The following CNTNAP4 variants were observed in gnomAD, a reference collection of about 807,000 sequenced individuals.
CNTNAP4 encodes contactin-associated protein-like 4.
A neutral mutation model predicts 148.4 loss-of-function variants in CNTNAP4; 98 were observed. The observed-to-expected ratio is 0.66, with a 90% confidence interval of 0.56 to 0.78. The LOEUF (loss-of-function observed/expected upper bound fraction) is 0.78, where lower values mean the gene tolerates loss of function less well. CNTNAP4 is among the 30% of genes least tolerant of loss of function. The pLI is 0.00. For missense variants in CNTNAP4, 1,935 were observed against 1,565.6 expected (o/e 1.24, Z -3.98); for synonymous variants, 730 against 565.1 (o/e 1.29, Z -4.14).
intron 10 of CNTNAP4, among the ~76,000 whole-genome samples, chr16:76,468,734 C>T (rs932301843): frequency 6.6e-6 from 1 of 152,046 alleles, no homozygotes; most frequent in African/African-American, 2.4e-5. Flanking sequence ...GCTGGAATTA[C>T]AGGCATGAGT....
intron 1 of CNTNAP4, among the ~76,000 whole-genome samples, chr16:76,308,518 G>A (rs947961890): frequency 1.3e-5 from 2 of 152,162 alleles, no homozygotes; most frequent in African/African-American, 2.4e-5. Flanking sequence ...AGAGAGGGGT[G>A]GGGTGTCACA....
intron 3 of CNTNAP4, among the ~76,000 whole-genome samples, chr16:76,390,852 G>GT (rs1017361814): frequency 6.6e-5 from 10 of 151,448 alleles, no homozygotes; most frequent in East Asian, 5.8e-4. Context: ...CTCATTAACT[G>GT]TTTTTTTTCT....
intron 4 of CNTNAP4, among the ~76,000 whole-genome samples, chr16:76,433,826 C>G (rs914807066): frequency 6.6e-6 from 1 of 152,176 alleles, no homozygotes; most frequent in East Asian, 1.9e-4. Context: ...AGTTCTTACA[C>G]TCAGATTATC....
Position 76,498,554 on chromosome 16 carries a change from T to C in CNTNAP4, c.2238-13T>C, listed in dbSNP as rs1568410782. ...AAGTTCTTAAGAATTTTGTTGTTGC[T>C]ATTGTTTTTTAGGACCAATGACACT... On this transcript the variant is annotated splice_polypyrimidine_tract_variant and intron_variant, in intron 14 of 23. Coordinates refer to ENST00000611870, the MANE Select transcript of CNTNAP4 (RefSeq NM_033401.5). 1.2e-6 allele frequency: 2 copies of C among 1,600,582 alleles called. No individual in the cohort carries two copies. Among genetic ancestry groups the C allele is most frequent in the Admixed American group, 1.7e-5 (1 of 57,150 alleles).
intron 4 of CNTNAP4, among the ~76,000 whole-genome samples, chr16:76,441,443 C>A (rs2135623): frequency 0.64 from 96,600 of 151,512 alleles, 32,153 homozygotes; most frequent in African/African-American, 0.84. Flanking sequence ...TACCTACGGG[C>A]ACAGGGAGAA....
At chr16:76,502,969 G>A (rs117966296) in intron 15 of CNTNAP4, among the ~76,000 whole-genome samples, 14 of 152,184 alleles carry the variant, frequency 9.2e-5, no homozygotes, top group Non-Finnish European at 1.3e-4. Flanking sequence ...TACTAGTACC[G>A]GTTATGAGGT....
At chr16:76,357,078 CA>C (rs2012771537) in intron 3 of CNTNAP4, among the ~76,000 whole-genome samples, 1 of 147,584 alleles carries the variant, frequency 6.8e-6, no homozygotes, top group African/African-American at 2.7e-5. Context: ...CACACACACA[CA>C]CACCCCAAAC....
chr16:76,343,589 G>A (rs1485627192), intron 2 of CNTNAP4, among the ~76,000 whole-genome samples: 2 of 152,108 alleles, frequency 1.3e-5, no homozygotes, highest in East Asian at 3.9e-4. Flanking sequence ...ATAATTACAC[G>A]TTTATAACCA....
Position 76,558,616 on chromosome 16 carries a change from C to A in CNTNAP4, c.3860C>A (p.Ala1287Asp), listed in dbSNP as rs763929190. The change falls in exon 24 of 24, where the codon GCT becomes GAT. Residue 1287 changes from alanine to aspartate, a missense_variant. Transcript: ENST00000611870. ...KRSENVDSAE[A>D]VLKSELNIQN... ...TCAGAGAATGTAGACAGTGCTGAGG[C>A]TGTTCTGAAAAGTGAGCTTAATATA... 1 of 1,613,212 alleles carries A rather than the reference C, an allele frequency of 6.2e-7. No homozygotes were observed.
chr16:76,336,328 C>T (rs1964021027), intron 2 of CNTNAP4, among the ~76,000 whole-genome samples: 1 of 152,142 alleles, frequency 6.6e-6, no homozygotes, highest in African/African-American at 2.4e-5. Flanking sequence ...CTTGTGGGAG[C>T]CTACTGTGAA....
chr16:76,303,892 G>T (rs1330167864), intron 1 of CNTNAP4, among the ~76,000 whole-genome samples: 2 of 152,110 alleles, frequency 1.3e-5, no homozygotes, highest in Admixed American at 1.3e-4. Context: ...GGATAGCCAT[G>T]TGGTTACGAA....
chr16:76,530,806 C>G (rs1325027305), intron 17 of CNTNAP4, among the ~76,000 whole-genome samples: 1 of 152,214 alleles, frequency 6.6e-6, no homozygotes, highest in African/African-American at 2.4e-5. Context: ...AAACTTAGAG[C>G]TGGGCCTCCA....
chr16:76,298,506 G>GTA (rs1055158192), intron 1 of CNTNAP4, among the ~76,000 whole-genome samples: 3 of 150,342 alleles, frequency 2.0e-5, no homozygotes, highest in Non-Finnish European at 4.4e-5. Flanking sequence ...GTGTGTGTGT[G>GTA]TGTGTGTGTG....
chr16:76,350,342 T>C (rs1040958037), intron 2 of CNTNAP4, among the ~76,000 whole-genome samples: 1 of 151,916 alleles, frequency 6.6e-6, no homozygotes, highest in Non-Finnish European at 1.5e-5. Context: ...AATACTTTTG[T>C]TTTTTTTCTT....
At chr16:76,458,164 A>G (rs2080806864) in intron 8 of CNTNAP4, among the ~76,000 whole-genome samples, 2 of 152,188 alleles carry the variant, frequency 1.3e-5, no homozygotes, top group African/African-American at 4.8e-5. Context: ...TCTGTGATGT[A>G]TATGTGCCAC....
intron 1 of CNTNAP4, among the ~76,000 whole-genome samples, chr16:76,304,333 T>G (rs1314867361): frequency 6.6e-6 from 1 of 152,118 alleles, no homozygotes; most frequent in Non-Finnish European, 1.5e-5. Context: ...TAACCTGATA[T>G]TGATCTTCCA....
intron 2 of CNTNAP4, among the ~76,000 whole-genome samples, chr16:76,351,122 A>G (rs1238075852): frequency 6.6e-6 from 1 of 152,218 alleles, no homozygotes; most frequent in South Asian, 2.1e-4. Flanking sequence ...CACGAGGTCA[A>G]ATAACACTTA....
intron 1 of CNTNAP4, among the ~76,000 whole-genome samples, chr16:76,291,852 T>C (rs542296371): frequency 6.6e-6 from 1 of 152,332 alleles, no homozygotes; most frequent in Admixed American, 6.5e-5. Flanking sequence ...TTGCCATACA[T>C]TATTTCAGTC....
intron 10 of CNTNAP4, among the ~76,000 whole-genome samples, chr16:76,471,244 T>C (rs1597651839): frequency 6.6e-6 from 1 of 152,130 alleles, no homozygotes; most frequent in South Asian, 2.1e-4. Flanking sequence ...AGGCAGCTGC[T>C]ATCCAAGTCC....
Sources: allele counts gnomAD v4.1 joint callset (sites outside exome capture counted in the v4.1 genomes callset), GRCh38; gene constraint gnomAD v4.1.1; transcripts MANE v1.5; gene names NCBI Gene and HGNC (gene_info 2026-07-23, HGNC 2026-07-21).